Variants in CC2D1A observed in about 807,000 individuals in gnomAD.
CC2D1A encodes coiled-coil and C2 domain-containing protein 1A.
A neutral mutation model predicts 123.8 loss-of-function variants in CC2D1A; 68 were observed. The ratio of observed to expected loss-of-function variants is 0.55; its 90% confidence interval spans 0.45 to 0.67. The LOEUF is 0.67. Among genes scored for constraint, CC2D1A ranks in the 30% least tolerant of loss-of-function variants. The probability of loss-of-function intolerance (pLI) is 0.00; values close to 1 mark genes in which losing one functional copy is unlikely to be tolerated. For synonymous variants in CC2D1A, 477 were observed against 528.0 expected (o/e 0.90, Z 1.32); for missense variants, 1,185 against 1,290.3 (o/e 0.92, Z 1.25).
Position 13,923,281 on chromosome 19 carries a change from AG to A in CC2D1A, c.1642-50del. On this transcript the variant is annotated intron_variant, in intron 14 of 28. Transcript: ENST00000318003. The surrounding 1 kb of genome is among the most constrained non-coding windows in gnomAD (Gnocchi z 5.3). ...AAGAATGACATTTCTGCAGAGCCCT[AG>A]GTGGGCCTGCTTGTCCTCCTTACCC... is the stretch of plus-strand genomic sequence containing the variant. 6.4e-7 allele frequency: 1 copy of A among 1,566,156 alleles called. No individual in the cohort carries two copies. Among genetic ancestry groups the A allele is most frequent in the East Asian group, 2.2e-5 (1 of 44,570 alleles).
At chr19:13,921,706 G>C (rs1971415270) in intron 14 of CC2D1A, among the ~76,000 whole-genome samples, 1 of 152,198 alleles carries the variant, frequency 6.6e-6, no homozygotes, top group Non-Finnish European at 1.5e-5. Context: ...TGTAGTCTTT[G>C]CTGGACACTG....
chr19:13,916,026 C>T (rs534223298), intron 6 of CC2D1A, among the ~76,000 whole-genome samples: 90 of 152,044 alleles, frequency 5.9e-4, no homozygotes, highest in African/African-American at 2.0e-3. Flanking sequence ...GACACCAAAG[C>T]GGGCGGATCA....
Position 13,906,718 on chromosome 19 carries a change from G to C in CC2D1A, c.60+217G>C, listed in dbSNP as rs1458264833. On this transcript the variant is annotated intron_variant, in intron 1 of 28. Transcript: ENST00000318003. The surrounding 1 kb of genome is among the most constrained non-coding windows in gnomAD (Gnocchi z 4.1). ...CCCTGCCCCGGGTTCGGGGCCACCT[G>C]TTGCCACAGCTGCTCCAGTCGAGGA... Among the ~76,000 whole-genome samples the C allele has an allele frequency of 2.0e-5, 3 of 152,244 alleles. No homozygotes were observed. Among genetic ancestry groups the C allele is most frequent in the Non-Finnish European group, 2.9e-5 (2 of 68,054 alleles).
rs1393303406 is a variant in CC2D1A, at chr19:13,926,956, C to T, written c.2126-22C>T. The stretch of plus-strand genomic sequence containing the variant: ...CAATGGCCTGACCCCACCCAACTTC[C>T]TCTCCCTCCTTCCTCCTGCAGAGTT... On this transcript the variant is annotated intron_variant, in intron 20 of 28. Coordinates refer to ENST00000318003, the MANE Select transcript of CC2D1A (RefSeq NM_017721.5). 5 of 1,613,164 alleles carry T rather than the reference C, an allele frequency of 3.1e-6. No homozygotes were observed. The East Asian group carries it at 8.9e-5, about 29-fold the overall frequency.
chr19:13,916,227 A>C lies in CC2D1A; in HGVS notation c.749-1843A>C, dbSNP rs943077712. Among the ~76,000 whole-genome samples the C allele has an allele frequency of 9.9e-5, 15 of 152,272 alleles. No homozygotes were observed. The East Asian group carries it at 2.9e-3, about 29-fold the overall frequency. On this transcript the variant is annotated intron_variant, in intron 6 of 28. Transcript: ENST00000318003. ...AGCCACGATCACACCACTGCACTCC[A>C]GTCTGGGCGACAGAGCAAGACTCTG...
At chr19:13,916,509 A>G (rs1294215159) in intron 6 of CC2D1A, among the ~76,000 whole-genome samples, 1 of 152,106 alleles carries the variant, frequency 6.6e-6, no homozygotes, top group African/African-American at 2.4e-5. Context: ...GGCTGAAGTG[A>G]GCTGTGATTG....
In CC2D1A at chr19:13,918,258, G is replaced by T. The variant is rs1215650822; in HGVS notation, c.873+64G>T. On this transcript the variant is annotated intron_variant, in intron 7 of 28. Coordinates refer to ENST00000318003, the MANE Select transcript of CC2D1A (RefSeq NM_017721.5). ...CAGGATGCTTCCCACGTGGCCTGGT[G>T]GCAAAGCACCCAAATTTGCATCCTA... 3 of 1,460,934 alleles carry T rather than the reference G, an allele frequency of 2.1e-6. No homozygotes were observed. In the Admixed American group the frequency reaches 8.2e-5, roughly 40 times the overall value. 90.5% of individuals were successfully genotyped at this position (1,460,934 alleles called of 1,614,324 possible).
In CC2D1A at chr19:13,929,573, G is replaced by C. The variant is rs1971794433; in HGVS notation, c.2623G>C (p.Glu875Gln). ...GCAGGCGCGGCGGCCGGTGCCCCCA[G>C]AAGTGGCCCAGCAGTACCAGGACAT... Reference protein sequence around the residue: ...LRQARRPVPPEVAQQYQDIMQ... With the variant: ...LRQARRPVPPQVAQQYQDIMQ... Residue 875 changes from glutamate to glutamine, a missense_variant, in exon 26 of 29, where the codon GAA (glutamate) becomes CAA (glutamine). Physicochemically the swap from Glu to Gln is conservative, Grantham distance 29 (BLOSUM62 2). Transcript: ENST00000318003. 6.2e-7 allele frequency: 1 copy of C among 1,609,638 alleles called. No individual in the cohort carries two copies.
At chr19:13,921,732 G>T (rs1971415939) in intron 14 of CC2D1A, among the ~76,000 whole-genome samples, 1 of 152,114 alleles carries the variant, frequency 6.6e-6, no homozygotes, top group Non-Finnish European at 1.5e-5. Context: ...ATGGCCTTGA[G>T]CAAAAAAGGC....
chr19:13,919,814 C>A lies in CC2D1A; in HGVS notation c.1223-4C>A. The A allele has an allele frequency of 6.3e-7, 1 of 1,593,862 alleles. No homozygotes were observed. The highest frequency in any genetic ancestry group is 1.1e-5 in the South Asian group (1 of 90,274). On this transcript the variant is annotated splice_region_variant and splice_polypyrimidine_tract_variant and intron_variant, in intron 11 of 28. Coordinates refer to ENST00000318003, the MANE Select transcript of CC2D1A (RefSeq NM_017721.5). ...CAATAACCAGGCCTCGACTGGCCACCCAGGCTTCCCCCCAATCCAGGGCCT... is the reference window on the plus strand; with the variant it reads ...CAATAACCAGGCCTCGACTGGCCACACAGGCTTCCCCCCAATCCAGGGCCT...
Position 13,928,251 on chromosome 19 carries a change from A to G in CC2D1A, c.2519+63A>G. 2.8e-6 allele frequency: 4 copies of G among 1,414,826 alleles called. No homozygotes were observed. The South Asian group carries it at 3.7e-5, about 13-fold the overall frequency. 87.6% of individuals were successfully genotyped at this position (1,414,826 alleles called of 1,614,324 possible). On this transcript the variant is annotated intron_variant, in intron 24 of 28. Coordinates refer to ENST00000318003, the MANE Select transcript of CC2D1A (RefSeq NM_017721.5). ...CAATTCCCCTCTCAGCCCCACCTGGACAGTTTCCCACCAGGCACAAATTGG... is the reference window on the plus strand; with the variant it reads ...CAATTCCCCTCTCAGCCCCACCTGGGCAGTTTCCCACCAGGCACAAATTGG...
chr19:13,930,258 C>T lies in CC2D1A; in HGVS notation c.2804C>T (p.Ala935Val), dbSNP rs760036269. 6 of 1,613,946 alleles carry T rather than the reference C, an allele frequency of 3.7e-6. No homozygotes were observed. The highest frequency in any genetic ancestry group is 2.2e-5 in the East Asian group (1 of 44,870). Reference sequence around the variant, plus strand: ...CCCCCACAGGATGCTGCAAAGGAGGCGCTCTATAGGCGGAATCTGGTAGAG... The same window carrying T: ...CCCCCACAGGATGCTGCAAAGGAGGTGCTCTATAGGCGGAATCTGGTAGAG... ...NDGSRDAAKE[A>V]LYRRNLVESE... The change falls in exon 28 of 29, where the codon GCG (alanine) becomes GTG (valine). Residue 935 changes from alanine (A) to valine (V), a missense_variant. By Grantham distance (64) the Ala-to-Val change is moderately conservative (BLOSUM62 0). Coordinates refer to ENST00000318003, the MANE Select transcript of CC2D1A (RefSeq NM_017721.5). This position sits in a 1 kb window ranked among gnomAD's most constrained non-coding sequence, Gnocchi z 6.8.
chr19:13,921,980 C>T (rs751209078), intron 14 of CC2D1A, among the ~76,000 whole-genome samples: 5 of 151,898 alleles, frequency 3.3e-5, no homozygotes, highest in Admixed American at 6.6e-5. Context: ...GCTCCCTTGC[C>T]TGGTCTCTTT....
Position 13,919,119 on chromosome 19 carries a change from G to A in CC2D1A, c.1150-11G>A. 6.2e-7 allele frequency: 1 copy of A among 1,611,150 alleles called. No individual in the cohort carries two copies. The highest frequency in any genetic ancestry group is 8.5e-7 in the Non-Finnish European group (1 of 1,178,408). The stretch of plus-strand genomic sequence containing the variant: ...TCCCACAGGCAGCCCTAACACCTGT[G>A]GCCCTCGCAGCAATACCAAGATGCC... On this transcript the variant is annotated splice_polypyrimidine_tract_variant and intron_variant, in intron 10 of 28. Coordinates refer to ENST00000318003, the MANE Select transcript of CC2D1A (RefSeq NM_017721.5).
At chr19:13,924,911 C>T (rs1201705338) in intron 17 of CC2D1A, among the ~76,000 whole-genome samples, 1 of 152,140 alleles carries the variant, frequency 6.6e-6, no homozygotes, top group African/African-American at 2.4e-5. Flanking sequence ...CCTGTCCCCG[C>T]TTCACTCAGC....
At chr19:13,929,711 A>C in intron 26 of CC2D1A, 51 bp downstream of exon 26, 2 of 479,542 alleles carry the variant, frequency 4.2e-6, no homozygotes, top group Non-Finnish European at 6.6e-6. Context: ...CAGGATAGGC[A>C]TGGGGGGGGA....
At chr19:13,909,200 G>A (rs1253387241) in intron 1 of CC2D1A, among the ~76,000 whole-genome samples, 2 of 151,846 alleles carry the variant, frequency 1.3e-5, no homozygotes, top group African/African-American at 4.8e-5. Context: ...GTGAAACCCC[G>A]TCTCTGCTAA....
rs150077062 is a variant in CC2D1A at position 13,907,494 on chromosome 19, G to A, written c.60+993G>A. On this transcript the variant is annotated intron_variant, in intron 1 of 28. Coordinates refer to ENST00000318003, the MANE Select transcript of CC2D1A (RefSeq NM_017721.5). ...TCCCAGCACTTTGGGAGGCCATGGC[G>A]AAACCCCATCTCTACTAAAAATACA... is the stretch of plus-strand genomic sequence containing the variant. 5.2e-4 allele frequency among the ~76,000 whole-genome samples: 79 copies of A among 151,968 alleles called. No homozygotes were observed. The East Asian group carries it at 8.9e-3, about 17-fold the overall frequency.
Position 13,906,827 on chromosome 19 carries a change from G to C in CC2D1A, c.60+326G>C, listed in dbSNP as rs1329794843. Among the ~76,000 whole-genome samples, 2 of 152,212 alleles carry C rather than the reference G, an allele frequency of 1.3e-5. No homozygotes were observed. Among genetic ancestry groups the C allele is most frequent in the African/African-American group, 4.8e-5 (2 of 41,454 alleles). On this transcript the variant is annotated intron_variant, in intron 1 of 28. Coordinates refer to ENST00000318003, the MANE Select transcript of CC2D1A (RefSeq NM_017721.5). The surrounding 1 kb of genome is among the most constrained non-coding windows in gnomAD (Gnocchi z 4.1). ...CTTTTTATTCCATTGTACAGATGAG[G>C]ACTTTGAGACTCAGAGACGTGAAGA...
Sources: allele counts gnomAD v4.1 joint callset (sites outside exome capture counted in the v4.1 genomes callset), GRCh38; gene constraint gnomAD v4.1.1; non-coding constraint Gnocchi (gnomAD v3.1); transcripts MANE v1.5; gene names NCBI Gene and HGNC (gene_info 2026-07-23, HGNC 2026-07-21).